The following ZNF681 variants were observed in gnomAD, a reference collection of about 807,000 sequenced individuals.
ZNF681 encodes the protein zinc finger protein 681, also known as hypothetical protein FLJ31526.
In ZNF681, 37 loss-of-function variants were observed where a neutral mutation model predicts 56.0. That is an observed-to-expected ratio of 0.66 (90% CI 0.51 to 0.87). ZNF681 has a LOEUF of 0.87. Ranked by LOEUF, ZNF681 falls within the 40% of genes least tolerant of loss-of-function variation. The pLI is 0.00. For synonymous variants in ZNF681, 225 were observed against 248.6 expected, an observed-to-expected ratio of 0.91 and a Z score of 0.89; for missense variants, 741 against 744.9, an observed-to-expected ratio of 0.99 and a Z score of 0.06.
Position 23,741,823 on chromosome 19 carries a change from T to C in ZNF681, c.*1789A>G, listed in dbSNP as rs1968877726. The stretch of plus-strand genomic sequence containing the variant: ...TTTACCCATATGTAATTATTACATA[T>C]TATATACCTGTATCAAAATATGCCA... On this transcript the variant is annotated 3_prime_UTR_variant, in exon 4 of 4. Transcript: ENST00000402377. The C allele has an allele frequency of 6.6e-6, 1 of 152,138 alleles. No homozygotes were observed. Among genetic ancestry groups the C allele is most frequent in the Non-Finnish European group, 1.5e-5 (1 of 68,034 alleles). The allele number at this position is 152,138 out of a possible 1,614,324, so 9.4% of individuals were successfully genotyped here.
chr19:23,754,533 GCA>G (rs1401048350), intron 3 of ZNF681, among the ~76,000 whole-genome samples: 1 of 152,088 alleles, frequency 6.6e-6, no homozygotes, highest in African/African-American at 2.4e-5. Context: ...GGGCGTGGTG[GCA>G]CACACCTGTA....
At chr19:23,754,956 TA>T (rs1314598144) in intron 2 of ZNF681, 38 bp from the exon 3 acceptor site, 1 of 1,541,986 alleles carries the variant, frequency 6.5e-7, no homozygotes, top group Non-Finnish European at 8.9e-7. Context: ...ATCTTGCTTA[TA>T]TTGTCTAATC....
rs993859486 is a variant in ZNF681, at chr19:23,740,917, C to T, written c.*2695G>A. Reference sequence around the variant, plus strand: ...TAAAATAAGAGAAAAAAATGTAAGACACAAGAAAATTATGGGTCTAGCCTA... The same window carrying T: ...TAAAATAAGAGAAAAAAATGTAAGATACAAGAAAATTATGGGTCTAGCCTA... On this transcript the variant is annotated 3_prime_UTR_variant, in exon 4 of 4. Coordinates refer to ENST00000402377, the MANE Select transcript of ZNF681 (RefSeq NM_138286.3). 3.9e-5 allele frequency: 6 copies of T among 151,942 alleles called. No homozygotes were observed. Among genetic ancestry groups the T allele is most frequent in the Non-Finnish European group, 7.4e-5 (5 of 67,990 alleles). The allele number at this position is 151,942 out of a possible 1,614,324, so 9.4% of individuals were successfully genotyped here. A position where few individuals can be genotyped will look rare whatever the true frequency, so the allele number is the denominator to read the frequency against.
In ZNF681 at chr19:23,740,576, A is replaced by G. The variant is rs1307765661; in HGVS notation, c.*3036T>C. 6.6e-6 allele frequency: 1 copy of G among 152,192 alleles called. No homozygotes were observed. Among genetic ancestry groups the G allele is most frequent in the African/African-American group, 2.4e-5 (1 of 41,456 alleles). The allele number at this position is 152,192 out of a possible 1,614,324, so 9.4% of individuals were successfully genotyped here. A position where few individuals can be genotyped will look rare whatever the true frequency, so the allele number is the denominator to read the frequency against. ...TATGGCTTATTATAAAGCATCTGTG[A>G]CACAGAAAGCACTGTCATGTTTGTT... On this transcript the variant is annotated 3_prime_UTR_variant, in exon 4 of 4. Coordinates refer to ENST00000402377, the MANE Select transcript of ZNF681 (RefSeq NM_138286.3).
chr19:23,756,375 G>C (rs781292010), intron 1 of ZNF681, among the ~76,000 whole-genome samples: 7 of 151,142 alleles, frequency 4.6e-5, no homozygotes, highest in Non-Finnish European at 2.9e-5. Context: ...CAATAGCAAA[G>C]ATATGGAACC....
chr19:23,751,486 A>G (rs1252373311), intron 3 of ZNF681, among the ~76,000 whole-genome samples: 1 of 151,680 alleles, frequency 6.6e-6, no homozygotes, highest in African/African-American at 2.4e-5. Flanking sequence ...AAAAAAAAAA[A>G]AAAAGAAAAC....
rs1267904162 is a variant in ZNF681, at chr19:23,744,073, G to C, written c.1477C>G (p.Leu493Val). ...GTATGAATTCTCTTATGTGTAGTAAGGATTGAGGACTGGTTAAAAGCTTTG... is the reference window on the plus strand; with the variant it reads ...GTATGAATTCTCTTATGTGTAGTAACGATTGAGGACTGGTTAAAAGCTTTG... Reference protein sequence around the residue: ...CGKAFNQSSILTTHKRIHTGE... With the variant: ...CGKAFNQSSIVTTHKRIHTGE... Residue 493 changes from leucine to valine, a missense_variant, in exon 4 of 4, where the codon CTT becomes GTT. Leu to Val is a conservative substitution (Grantham distance 32). Coordinates refer to ENST00000402377, the MANE Select transcript of ZNF681 (RefSeq NM_138286.3). 5 of 1,613,066 alleles carry C rather than the reference G, an allele frequency of 3.1e-6. No homozygotes were observed. Among genetic ancestry groups the C allele is most frequent in the Non-Finnish European group, 4.2e-6 (5 of 1,179,684 alleles).
rs890352991 is a variant in ZNF681, at chr19:23,741,271, G to C, written c.*2341C>G. 2 of 152,128 alleles carry C rather than the reference G, an allele frequency of 1.3e-5. No individual in the cohort carries two copies. Among genetic ancestry groups the C allele is most frequent in the African/African-American group, 4.8e-5 (2 of 41,426 alleles). 9.4% of individuals were successfully genotyped at this position (152,128 alleles called of 1,614,324 possible). A position where few individuals can be genotyped will look rare whatever the true frequency, so the allele number is the denominator to read the frequency against. On this transcript the variant is annotated 3_prime_UTR_variant, in exon 4 of 4. Transcript: ENST00000402377. ...AACTAATAGTCTGTATGTGCTTGCA[G>C]GCAGAGAGGCAACATGTTTGAAGAA... is the stretch of plus-strand genomic sequence containing the variant.
intron 3 of ZNF681, among the ~76,000 whole-genome samples, chr19:23,751,095 C>T (rs1969022246): frequency 7.0e-6 from 1 of 142,004 alleles, no homozygotes; most frequent in Non-Finnish European, 1.5e-5. Flanking sequence ...CGCCATTGCA[C>T]TCCAGCCTGT....
chr19:23,743,920 T>TA lies in ZNF681; in HGVS notation c.1629dup (p.Asn544Ter), dbSNP rs1968902230. 6.2e-7 allele frequency: 1 copy of TA among 1,605,976 alleles called. No individual in the cohort carries two copies. Among genetic ancestry groups the TA allele is most frequent in the Non-Finnish European group, 8.5e-7 (1 of 1,174,142 alleles). On this transcript the variant is annotated frameshift_variant, in exon 4 of 4. Coordinates refer to ENST00000402377, the MANE Select transcript of ZNF681 (RefSeq NM_138286.3). LOFTEE classifies it high-confidence loss of function. ...TGTGTAGCAAGATGTGAGGAATGGT[T>TA]AAAGGCTTTGCCACATTCTTCACAT...
Position 23,741,481 on chromosome 19 carries a change from A to G in ZNF681, c.*2131T>C, listed in dbSNP as rs1475681739. On this transcript the variant is annotated 3_prime_UTR_variant, in exon 4 of 4. Coordinates refer to ENST00000402377, the MANE Select transcript of ZNF681 (RefSeq NM_138286.3). ...GTAATCCCAGCACTTTGGGAGGCCG[A>G]GGGGGCTAATCATGGGGTCAGGAGT... 2.0e-5 allele frequency: 3 copies of G among 152,112 alleles called. No individual in the cohort carries two copies. The highest frequency in any genetic ancestry group is 6.6e-5 in the Admixed American group (1 of 15,264). The allele number at this position is 152,112 out of a possible 1,614,324, so 9.4% of individuals were successfully genotyped here.
At chr19:23,753,734 A>G (rs1969070650) in intron 3 of ZNF681, among the ~76,000 whole-genome samples, 1 of 151,406 alleles carries the variant, frequency 6.6e-6, no homozygotes, top group South Asian at 2.1e-4. Flanking sequence ...GGTGGTGAGC[A>G]CCTGTAGTTC....
rs1968875049 is a variant in ZNF681, at chr19:23,741,604, G to C, written c.*2008C>G. On this transcript the variant is annotated 3_prime_UTR_variant, in exon 4 of 4. Transcript: ENST00000402377. ...TGCGCCTGTAGTCCCAACTACTCAG[G>C]AGGCTGAGGCGGAAGAATCACTTGA... 1 of 152,164 alleles carries C rather than the reference G, an allele frequency of 6.6e-6. No individual in the cohort carries two copies. The highest frequency in any genetic ancestry group is 2.1e-4 in the South Asian group (1 of 4,830). 9.4% of individuals were successfully genotyped at this position (152,164 alleles called of 1,614,324 possible).
rs894818525 is a variant in ZNF681, at chr19:23,741,805, A to G, written c.*1807T>C. ...CAGGTAATGAATATTTCATTTACCC[A>G]TATGTAATTATTACATATTATATAC... On this transcript the variant is annotated 3_prime_UTR_variant, in exon 4 of 4. Transcript: ENST00000402377. 2 of 152,188 alleles carry G rather than the reference A, an allele frequency of 1.3e-5. No individual in the cohort carries two copies. The highest frequency in any genetic ancestry group is 2.1e-4 in the South Asian group (1 of 4,828). 9.4% of individuals were successfully genotyped at this position (152,188 alleles called of 1,614,324 possible). A position where few individuals can be genotyped will look rare whatever the true frequency, so the allele number is the denominator to read the frequency against.
intron 3 of ZNF681, among the ~76,000 whole-genome samples, chr19:23,749,625 A>T (rs75235405): frequency 2.0e-5 from 3 of 150,314 alleles, no homozygotes; most frequent in African/African-American, 4.9e-5. Context: ...AAAAAAAAAA[A>T]TTTGTAGAGT....
rs533034412 is a variant in ZNF681 at position 23,741,526 on chromosome 19, C to T, written c.*2086G>A. 6 of 15,250 alleles carry T rather than the reference C, an allele frequency of 3.9e-4. No homozygotes were observed. Among genetic ancestry groups the T allele is most frequent in the Admixed American group, 1.2e-3 (1 of 854 alleles). 0.9% of individuals were successfully genotyped at this position (15,250 alleles called of 1,614,324 possible). On this transcript the variant is annotated 3_prime_UTR_variant, in exon 4 of 4. Coordinates refer to ENST00000402377, the MANE Select transcript of ZNF681 (RefSeq NM_138286.3). ...AGGAGTTCAAGACAAACCTGGCCAA[C>T]GTAGTGAAACTGTTTCTACTAAAAA... is the stretch of plus-strand genomic sequence containing the variant.
Position 23,743,728 on chromosome 19 carries a change from G to A in ZNF681, c.1822C>T (p.His608Tyr), listed in dbSNP as rs1968898455. The A allele has an allele frequency of 6.2e-7, 1 of 1,613,142 alleles. No individual in the cohort carries two copies. Among genetic ancestry groups the A allele is most frequent in the East Asian group, 2.2e-5 (1 of 44,840 alleles). ...AFNQSSNLTG[H>Y]KKIHTGEKLY... ...TTCTCACCAGTATGAATTTTCTTATGTCCAGTAAGGTTTGAGGACTGGTTA... is the reference window on the plus strand; with the variant it reads ...TTCTCACCAGTATGAATTTTCTTATATCCAGTAAGGTTTGAGGACTGGTTA... Residue 608 changes from histidine to tyrosine, a missense_variant, in exon 4 of 4, where the codon CAT (histidine) becomes TAT (tyrosine). Physicochemically the swap from His to Tyr is moderately conservative, Grantham distance 83. Transcript: ENST00000402377.
chr19:23,744,220 G>C lies in ZNF681; in HGVS notation c.1330C>G (p.His444Asp), dbSNP rs1968907827. ...CATTTGTATGGTTTCTCTTCAGTATGAATATTCTTATGTTCAGTAAGGTTT... is the reference window on the plus strand; with the variant it reads ...CATTTGTATGGTTTCTCTTCAGTATCAATATTCTTATGTTCAGTAAGGTTT... ...SSNLTEHKNI[H>D]TEEKPYKCEE... Residue 444 changes from histidine (H) to aspartate (D), a missense_variant, in exon 4 of 4, where the codon CAT (histidine) becomes GAT (aspartate). Transcript: ENST00000402377. 3 of 1,613,570 alleles carry C rather than the reference G, an allele frequency of 1.9e-6. No homozygotes were observed. Among genetic ancestry groups the C allele is most frequent in the African/African-American group, 1.3e-5 (1 of 74,974 alleles).
In ZNF681 at chr19:23,744,475, T is replaced by C. The variant is rs1162424947; in HGVS notation, c.1075A>G (p.Ile359Val). ...CTGTAGGGCTTCTCTCCAGTATGAATTATCTTATGTCTGGTAAGGTGTGAG... is the reference window on the plus strand; with the variant it reads ...CTGTAGGGCTTCTCTCCAGTATGAACTATCTTATGTCTGGTAAGGTGTGAG... ...QSSHLTRHKI[I>V]HTGEKPYRCE... Residue 359 changes from isoleucine to valine, a missense_variant, in exon 4 of 4, where the codon ATT becomes GTT. By Grantham distance (29) the Ile-to-Val change is conservative. Coordinates refer to ENST00000402377, the MANE Select transcript of ZNF681 (RefSeq NM_138286.3). 6.3e-7 allele frequency: 1 copy of C among 1,578,402 alleles called. No homozygotes were observed. Among genetic ancestry groups the C allele is most frequent in the African/African-American group, 1.4e-5 (1 of 73,808 alleles).
Sources: gnomAD v4.1 joint callset for allele counts (sites outside exome capture counted in the v4.1 genomes callset) on GRCh38, gnomAD v4.1.1 for gene constraint, MANE v1.5 for transcripts, NCBI Gene and HGNC (gene_info 2026-07-23, HGNC 2026-07-21) for gene names.